Variants in ATP6V0A1 observed in about 807,000 individuals in gnomAD.
ATP6V0A1 encodes the protein V-type proton ATPase 116 kDa subunit a 1.
Under a neutral mutation model 105.4 loss-of-function variants are expected in ATP6V0A1, and 43 were observed. That is an observed-to-expected ratio of 0.41 (90% CI 0.32 to 0.53). ATP6V0A1 has a LOEUF of 0.53. Among genes scored for constraint, ATP6V0A1 ranks in the 20% least tolerant of loss-of-function variants. The pLI is 0.30. For missense variants in ATP6V0A1, 676 were observed against 1,051.1 expected (o/e 0.64, Z 4.93); for synonymous variants, 362 against 372.8 (o/e 0.97, Z 0.33).
chr17:42,483,264 G>C (rs2145879726), intron 9 of ATP6V0A1, 133 bp downstream of exon 9: 1 of 529,210 alleles, frequency 1.9e-6, no homozygotes, highest in East Asian at 3.5e-5. Context: ...ATGTACATGG[G>C]TAATATGTCC....
At chr17:42,461,726 G>A (rs1409216270) in intron 2 of ATP6V0A1, among the ~76,000 whole-genome samples, 1 of 152,156 alleles carries the variant, frequency 6.6e-6, no homozygotes, top group African/African-American at 2.4e-5. Context: ...AGCCGAGATT[G>A]TGTGATTGCA....
chr17:42,485,526 T>A (rs2090015738), intron 9 of ATP6V0A1, among the ~76,000 whole-genome samples: 1 of 148,448 alleles, frequency 6.7e-6, no homozygotes, highest in African/African-American at 2.6e-5. Flanking sequence ...GAAGGGTTTT[T>A]TGTGTTTTGT....
chr17:42,465,618 C>T (rs2086953051), intron 2 of ATP6V0A1, among the ~76,000 whole-genome samples: 1 of 151,626 alleles, frequency 6.6e-6, no homozygotes, highest in African/African-American at 2.4e-5. Context: ...TGAGTAGTTA[C>T]TTGTTTTGTT....
intron 9 of ATP6V0A1, among the ~76,000 whole-genome samples, chr17:42,484,096 C>T (rs1385198623): frequency 6.6e-6 from 1 of 151,872 alleles, no homozygotes; most frequent in Non-Finnish European, 1.5e-5. Flanking sequence ...GAGTCTCTGT[C>T]ACCCAGGCTG....
intron 21 of ATP6V0A1, among the ~76,000 whole-genome samples, chr17:42,516,824 C>T (rs947872370): frequency 3.3e-5 from 5 of 152,224 alleles, no homozygotes; most frequent in African/African-American, 7.2e-5. Context: ...CGGAATTGGG[C>T]GACCTGGGTT....
chr17:42,512,584 G>A (rs1467001344), intron 19 of ATP6V0A1, among the ~76,000 whole-genome samples: 1 of 152,182 alleles, frequency 6.6e-6, no homozygotes, highest in African/African-American at 2.4e-5. Flanking sequence ...CCCAGAAATA[G>A]GCTAGGTGTC....
Position 42,468,056 on chromosome 17 carries a change from C to T in ATP6V0A1, c.243C>T (p.Asp81=), listed in dbSNP as rs1240603253. 11 of 1,606,098 alleles carry T rather than the reference C, an allele frequency of 6.8e-6. No individual in the cohort carries two copies. The highest frequency in any genetic ancestry group is 9.4e-6 in the Non-Finnish European group (11 of 1,176,144). The change falls in exon 4 of 22, where the codon GAC becomes GAT. Residue 81 remains aspartate (D), a synonymous_variant. Transcript: ENST00000343619. ...EIRKANIPIM[D]TGENPEVPFP... ...GAAAAGCTAACATTCCGATTATGGA[C>T]ACCGGTGAAAACCCAGAGGTTCCCT...
At chr17:42,488,387 A>G (rs1001763318) in intron 10 of ATP6V0A1, among the ~76,000 whole-genome samples, 1 of 152,206 alleles carries the variant, frequency 6.6e-6, no homozygotes, top group Non-Finnish European at 1.5e-5. Flanking sequence ...GAAGATTTAA[A>G]TTTTATTCCA....
At chr17:42,488,035 G>C (rs977944069) in intron 10 of ATP6V0A1, among the ~76,000 whole-genome samples, 2 of 152,166 alleles carry the variant, frequency 1.3e-5, no homozygotes, top group South Asian at 4.1e-4. Context: ...CTGTTTAGTA[G>C]TTAATTAGAA....
intron 4 of ATP6V0A1, among the ~76,000 whole-genome samples, chr17:42,468,934 C>G (rs1320530936): frequency 6.6e-6 from 1 of 152,188 alleles, no homozygotes; most frequent in South Asian, 2.1e-4. Context: ...CAACCCCTGC[C>G]TCCCAGGCTC....
intron 19 of ATP6V0A1, among the ~76,000 whole-genome samples, chr17:42,513,154 A>G (rs1351036463): frequency 6.6e-6 from 1 of 152,110 alleles, no homozygotes; most frequent in Non-Finnish European, 1.5e-5. Context: ...CAAACAAGAA[A>G]CTGGAGATAT....
chr17:42,513,985 A>G lies in ATP6V0A1; in HGVS notation c.2248+7A>G. 1.2e-6 allele frequency: 2 copies of G among 1,611,654 alleles called. No individual in the cohort carries two copies. On this transcript the variant is annotated splice_region_variant and intron_variant, in intron 20 of 21. Transcript: ENST00000343619. Reference sequence around the variant, plus strand: ...CTCAGCCTCGCTCATGCGCGTGAGTACCTCTCTCCGGGCTCCGGAACTCTA... The same window carrying G: ...CTCAGCCTCGCTCATGCGCGTGAGTGCCTCTCTCCGGGCTCCGGAACTCTA...
chr17:42,514,173 G>A (rs755382043), intron 20 of ATP6V0A1, 116 bp from the exon 21 acceptor site: 1 of 1,360,390 alleles, frequency 7.4e-7, no homozygotes, highest in Non-Finnish European at 1.0e-6. Context: ...TCCCACTAAG[G>A]CAGTGGGAAG....
chr17:42,507,497 A>C (rs779516473), intron 17 of ATP6V0A1, 23 bp from the exon 18 acceptor site: 5 of 1,557,784 alleles, frequency 3.2e-6, no homozygotes, highest in African/African-American at 1.4e-5. Flanking sequence ...GGCAAATTCT[A>C]CTCTTTCTGT....
chr17:42,464,650 G>A (rs923584891), intron 2 of ATP6V0A1, among the ~76,000 whole-genome samples: 1 of 152,022 alleles, frequency 6.6e-6, no homozygotes, highest in Non-Finnish European at 1.5e-5. Flanking sequence ...TGAACTGCCC[G>A]CCTTGGTCTC....
chr17:42,509,044 TC>T (rs1294594687), intron 19 of ATP6V0A1, among the ~76,000 whole-genome samples: 1 of 151,604 alleles, frequency 6.6e-6, no homozygotes, highest in Non-Finnish European at 1.5e-5. Flanking sequence ...GCCAGCCTCT[TC>T]CTGCTGCCCT....
At position 42,499,080 on chromosome 17, in the gene ATP6V0A1, T is replaced by A. The variant is rs1285280490; in HGVS notation, c.1679+38T>A. ...ATTTCTGTCATAAGAATGTGCATAG[T>A]TTAGAGAATGCTTTTGTGTAAAGAA... On this transcript the variant is annotated intron_variant, in intron 15 of 21. Transcript: ENST00000343619. 2.9e-6 allele frequency: 4 copies of A among 1,402,278 alleles called. No homozygotes were observed. In the South Asian group the frequency reaches 3.6e-5, roughly 12 times the overall value. The allele number at this position is 1,402,278 out of a possible 1,614,324, so 86.9% of individuals were successfully genotyped here.
At chr17:42,468,159 ATTACT>A in intron 4 of ATP6V0A1, 52 bp downstream of exon 4, 2 of 1,288,954 alleles carry the variant, frequency 1.6e-6, no homozygotes, top group Middle Eastern at 1.9e-4. Flanking sequence ...GAACGCAGAA[ATTACT>A]TTCCTGAGCA....
At chr17:42,476,771 C>T (rs2088809636) in intron 5 of ATP6V0A1, among the ~76,000 whole-genome samples, 1 of 152,102 alleles carries the variant, frequency 6.6e-6, no homozygotes, top group African/African-American at 2.4e-5. Context: ...ACCAATTAAA[C>T]CAGCCCATGA....
Sources: gnomAD v4.1 joint callset for allele counts (sites outside exome capture counted in the v4.1 genomes callset) on GRCh38, gnomAD v4.1.1 for gene constraint, MANE v1.5 for transcripts, NCBI Gene and HGNC (gene_info 2026-07-23, HGNC 2026-07-21) for gene names.